Variants in ZNF451 observed in about 807,000 individuals in gnomAD.
ZNF451 encodes zinc finger protein 451.
In ZNF451, 80 loss-of-function variants were observed where a neutral mutation model predicts 107.1. The observed-to-expected ratio is 0.75, with a 90% confidence interval of 0.62 to 0.90. ZNF451 has a LOEUF of 0.90. Ranked by LOEUF, ZNF451 falls within the 40% of genes least tolerant of loss-of-function variation. ZNF451 has a pLI of 0.00. For missense variants in ZNF451, 1,107 were observed against 1,236.2 expected (o/e 0.90, Z 1.57); for synonymous variants, 362 against 406.5 (o/e 0.89, Z 1.32).
Position 57,148,503 on chromosome 6 carries a change from G to C in ZNF451, c.2418G>C (p.Gln806His). ...KAFHDPESAQ[Q>H]HFHRKHCFLQ... is the part of the protein sequence containing the mutation. ...TTCATGATCCTGAGAGTGCACAGCAGCATTTCCATAGAAAACATTGCTTCT... is the reference window on the plus strand; with the variant it reads ...TTCATGATCCTGAGAGTGCACAGCACCATTTCCATAGAAAACATTGCTTCT... Residue 806 changes from glutamine (Q) to histidine (H), a missense_variant, in exon 10 of 15, where the codon CAG becomes CAC. Coordinates refer to ENST00000370706, the MANE Select transcript of ZNF451 (RefSeq NM_001031623.3). The C allele has an allele frequency of 6.2e-7, 1 of 1,614,120 alleles. No homozygotes were observed. The highest frequency in any genetic ancestry group is 1.6e-4 in the Middle Eastern group (1 of 6,062).
chr6:57,130,461 C>G (rs1226594658), intron 5 of ZNF451, among the ~76,000 whole-genome samples: 1 of 152,100 alleles, frequency 6.6e-6, no homozygotes, highest in Non-Finnish European at 1.5e-5. Context: ...GATGCCTACA[C>G]CTTATTATCT....
chr6:57,138,706 T>C (rs868407665), intron 7 of ZNF451, among the ~76,000 whole-genome samples: 412 of 15,208 alleles, frequency 0.027, 2 homozygotes, highest in African/African-American at 0.11. Flanking sequence ...AGCTATGCCA[T>C]ATATATATAT....
At chr6:57,096,127 T>C (rs941826417) in intron 2 of ZNF451, among the ~76,000 whole-genome samples, 2 of 151,710 alleles carry the variant, frequency 1.3e-5, no homozygotes, top group African/African-American at 4.8e-5. Flanking sequence ...CCTGCAGCTA[T>C]TTTTAAATTA....
intron 3 of ZNF451, chr6:57,106,549 G>T: frequency 1.1e-6 from 1 of 939,790 alleles, no homozygotes; most frequent in Non-Finnish European, 1.3e-6. Context: ...CAAGTGATCC[G>T]CCCGCCTTGG....
At chr6:57,163,735 C>A in intron 14 of ZNF451, among the ~76,000 whole-genome samples, 1 of 151,922 alleles carries the variant, frequency 6.6e-6, no homozygotes, top group Non-Finnish European at 1.5e-5. Flanking sequence ...CAGGCGTGAG[C>A]CACCGCGCCC....
chr6:57,125,022 A>G (rs758779606), intron 4 of ZNF451, among the ~76,000 whole-genome samples, 163 bp downstream of exon 4: 1 of 152,130 alleles, frequency 6.6e-6, no homozygotes, highest in African/African-American at 2.4e-5. Flanking sequence ...TTTTACATCT[A>G]TTTTTAGTTT....
At chr6:57,117,880 A>G (rs375450208) in intron 3 of ZNF451, among the ~76,000 whole-genome samples, 30 of 152,324 alleles carry the variant, frequency 2.0e-4, no homozygotes, top group Middle Eastern at 3.4e-3. Context: ...GGAAACATCA[A>G]TTCAAGGATA....
intron 13 of ZNF451, chr6:57,154,262 T>C (rs1276976809): frequency 1.7e-6 from 1 of 602,030 alleles, no homozygotes; most frequent in African/African-American, 1.9e-5. Context: ...TTCTGGAGCT[T>C]TTTTTGATCT....
chr6:57,149,379 G>A (rs865917711), intron 10 of ZNF451, among the ~76,000 whole-genome samples: 1 of 152,018 alleles, frequency 6.6e-6, no homozygotes, highest in Non-Finnish European at 1.5e-5. Context: ...ATTTGTTTTT[G>A]TTTAGAGTAT....
intron 7 of ZNF451, among the ~76,000 whole-genome samples, chr6:57,138,735 A>ATGTG (rs1831580311): frequency 7.6e-5 from 8 of 104,974 alleles, no homozygotes; most frequent in African/African-American, 2.9e-4. Flanking sequence ...ATATATATAT[A>ATGTG]TATATATGTG....
Position 57,147,658 on chromosome 6 carries a change from C to T in ZNF451, c.1573C>T (p.His525Tyr). Residue 525 changes from histidine (H) to tyrosine (Y), a missense_variant, in exon 10 of 15, where the codon CAT becomes TAT. Physicochemically the swap from His to Tyr is moderately conservative, Grantham distance 83. Transcript: ENST00000370706. ...LHMSRIHGGA[H>Y]LNNFLFWCRT... Reference sequence around the variant, plus strand: ...CATGAGCCGGATTCACGGAGGGGCACATTTAAATAACTTTCTTTTCTGGTG... The same window carrying T: ...CATGAGCCGGATTCACGGAGGGGCATATTTAAATAACTTTCTTTTCTGGTG... The T allele has an allele frequency of 6.2e-7, 1 of 1,614,080 alleles. No individual in the cohort carries two copies. Among genetic ancestry groups the T allele is most frequent in the Non-Finnish European group, 8.5e-7 (1 of 1,179,982 alleles).
chr6:57,101,085 C>A, intron 3 of ZNF451: 1 of 1,550,798 alleles, frequency 6.4e-7, no homozygotes. Context: ...GGGACATCTC[C>A]ACCTCTAAAG....
At chr6:57,151,548 G>GT (rs1340827779) in intron 11 of ZNF451, among the ~76,000 whole-genome samples, 2 of 151,460 alleles carry the variant, frequency 1.3e-5, no homozygotes, top group Non-Finnish European at 2.9e-5. Context: ...TTTTGTTTTT[G>GT]TTTTTTTTCC....
intron 3 of ZNF451, chr6:57,106,727 AATTG>A: frequency 1.0e-6 from 1 of 984,790 alleles, no homozygotes; most frequent in Non-Finnish European, 1.2e-6. Context: ...CTAGTCCAAT[AATTG>A]ATTGTCTCAT....
intron 7 of ZNF451, among the ~76,000 whole-genome samples, chr6:57,141,005 C>T (rs1279960691): frequency 1.3e-5 from 2 of 152,032 alleles, no homozygotes; most frequent in African/African-American, 4.8e-5. Context: ...TTATATATTA[C>T]ATGTGAATGT....
intron 9 of ZNF451, among the ~76,000 whole-genome samples, chr6:57,145,071 G>A (rs572085541): frequency 2.0e-5 from 3 of 151,976 alleles, no homozygotes; most frequent in Non-Finnish European, 4.4e-5. Flanking sequence ...AACATATTTT[G>A]TACAGTTTTT....
chr6:57,111,643 A>G (rs1830120816), intron 3 of ZNF451, among the ~76,000 whole-genome samples: 1 of 152,088 alleles, frequency 6.6e-6, no homozygotes. Flanking sequence ...GGCCTCCCAA[A>G]GTGCTGGGAT....
At chr6:57,153,704 C>T (rs1426887960) in intron 12 of ZNF451, among the ~76,000 whole-genome samples, 157 bp from the exon 13 acceptor site, 1 of 152,210 alleles carries the variant, frequency 6.6e-6, no homozygotes, top group African/African-American at 2.4e-5. Context: ...TGAGCCACTG[C>T]ACCCAGCTGA....
At chr6:57,132,691 G>A (rs79625420) in intron 5 of ZNF451, among the ~76,000 whole-genome samples, 21,398 of 151,696 alleles carry the variant, frequency 0.14, 1,583 homozygotes, top group Middle Eastern at 0.18. Flanking sequence ...TAAAGAAAAG[G>A]ATTTTTTTTC....
Sources: gnomAD v4.1 joint callset for allele counts (sites outside exome capture counted in the v4.1 genomes callset) on GRCh38, gnomAD v4.1.1 for gene constraint, MANE v1.5 for transcripts, NCBI Gene and HGNC (gene_info 2026-07-23, HGNC 2026-07-21) for gene names.